The following EYS variants were observed in gnomAD, a reference collection of about 807,000 sequenced individuals.
The protein encoded by EYS is EGF-like photoreceptor maintenance factor, also known as protein eyes shut homolog.
EYS carries 250 observed loss-of-function variants against 282.1 expected under a neutral mutation model. That is an observed-to-expected ratio of 0.89 (90% CI 0.80 to 0.98). EYS has a LOEUF of 0.98. EYS is among the 50% of genes least tolerant of loss of function. The probability of loss-of-function intolerance (pLI) is 0.00; values close to 1 mark genes in which losing one functional copy is unlikely to be tolerated. For missense variants in EYS, 4,016 were observed against 3,709.0 expected (o/e 1.08, Z -2.15); for synonymous variants, 1,355 against 1,282.9 (o/e 1.06, Z -1.20).
At chr6:64,364,301 A>C (rs1772120396) in intron 29 of EYS, among the ~76,000 whole-genome samples, 1 of 151,874 alleles carries the variant, frequency 6.6e-6, no homozygotes, top group African/African-American at 2.4e-5. Context: ...TTTTACTCTT[A>C]GTTTTCTATA....
intron 12 of EYS, among the ~76,000 whole-genome samples, chr6:65,083,062 T>C (rs1303896524): frequency 6.6e-6 from 1 of 151,996 alleles, no homozygotes; most frequent in Non-Finnish European, 1.5e-5. Context: ...ACTGTCCATC[T>C]TAAAAAAATC....
intron 12 of EYS, among the ~76,000 whole-genome samples, chr6:65,120,140 A>G: frequency 7.6e-6 from 1 of 132,420 alleles, no homozygotes; most frequent in Admixed American, 7.9e-5. Flanking sequence ...TGACAGAGCG[A>G]GACTCCGTCT....
At chr6:64,656,428 T>G (rs1931851) in intron 22 of EYS, among the ~76,000 whole-genome samples, 1 of 152,108 alleles carries the variant, frequency 6.6e-6, no homozygotes, top group East Asian at 1.9e-4. Context: ...TCTTGAGAAC[T>G]TTTCCAAGAC....
chr6:64,741,331 G>A (rs146067731), intron 22 of EYS, among the ~76,000 whole-genome samples: 1 of 152,174 alleles, frequency 6.6e-6, no homozygotes, highest in African/African-American at 2.4e-5. Flanking sequence ...AACATATTCA[G>A]TAAGCAAACT....
intron 31 of EYS, among the ~76,000 whole-genome samples, chr6:64,098,365 A>G (rs562043379): frequency 2.0e-5 from 3 of 152,312 alleles, no homozygotes; most frequent in African/African-American, 7.2e-5. Context: ...AATTTATATT[A>G]TGGATAAATT....
intron 33 of EYS, among the ~76,000 whole-genome samples, chr6:64,000,904 T>G (rs1413206267): frequency 6.6e-6 from 1 of 152,164 alleles, no homozygotes; most frequent in African/African-American, 2.4e-5. Flanking sequence ...TGCCAGCACT[T>G]TGGGAGGCCA....
chr6:64,219,370 A>G (rs1165663237), intron 31 of EYS, among the ~76,000 whole-genome samples: 1 of 152,238 alleles, frequency 6.6e-6, no homozygotes, highest in East Asian at 1.9e-4. Flanking sequence ...AATCTGATAG[A>G]ACATTTCAAT....
At chr6:64,240,763 C>T (rs760024400) in intron 30 of EYS, among the ~76,000 whole-genome samples, 1 of 152,140 alleles carries the variant, frequency 6.6e-6, no homozygotes, top group Non-Finnish European at 1.5e-5. Flanking sequence ...TGCCTGATTG[C>T]CCTGGCCAGA....
At chr6:65,648,403 C>T (rs1163645718) in intron 1 of EYS, among the ~76,000 whole-genome samples, 1 of 151,102 alleles carries the variant, frequency 6.6e-6, no homozygotes, top group Non-Finnish European at 1.5e-5. Context: ...ATGGTATTTG[C>T]AGCAACCTGG....
chr6:63,733,999 T>A (rs1768845991), intron 41 of EYS, among the ~76,000 whole-genome samples: 1 of 152,112 alleles, frequency 6.6e-6, no homozygotes, highest in Admixed American at 6.6e-5. Flanking sequence ...GTGGAGGCAA[T>A]TGTCCTAAGC....
chr6:65,244,142 T>A (rs572295260), intron 12 of EYS, among the ~76,000 whole-genome samples: 1 of 152,318 alleles, frequency 6.6e-6, no homozygotes, highest in African/African-American at 2.4e-5. Context: ...ATTTTCCAGT[T>A]AGGCTTGTTT....
rs560738988 is a variant in EYS, at chr6:64,862,149, C to T, written c.2992+24548G>A. Among the ~76,000 whole-genome samples, 191 of 152,280 alleles carry T rather than the reference C, an allele frequency of 1.3e-3. 1 individual carries two copies. The highest frequency in any genetic ancestry group is 4.5e-3 in the African/African-American group (185 of 41,566). ...CTCTCTTTCTACTTCTCTGATTTCG[C>T]ATGTGAAGTCAGGTGCAATGCCTAT... On this transcript the variant is annotated intron_variant, in intron 19 of 42. Coordinates refer to ENST00000503581, the MANE Select transcript of EYS (RefSeq NM_001142800.2).
intron 5 of EYS, among the ~76,000 whole-genome samples, chr6:65,484,302 C>A (rs772798749): frequency 5.9e-5 from 9 of 152,008 alleles, no homozygotes; most frequent in South Asian, 4.1e-4. Flanking sequence ...ATGTTTTAAC[C>A]AAGTACTATT....
intron 2 of EYS, among the ~76,000 whole-genome samples, chr6:65,609,744 C>T (rs1765927383): frequency 6.6e-6 from 1 of 152,134 alleles, no homozygotes; most frequent in South Asian, 2.1e-4. Context: ...CAAAGCTATT[C>T]TAAATACATT....
chr6:64,187,790 T>A (rs906951889), intron 31 of EYS, among the ~76,000 whole-genome samples: 2 of 152,110 alleles, frequency 1.3e-5, no homozygotes, highest in Non-Finnish European at 2.9e-5. Context: ...CTTCCTTTGA[T>A]CTACCATTAA....
intron 26 of EYS, among the ~76,000 whole-genome samples, chr6:64,561,036 A>T (rs1034369957): frequency 1.9e-4 from 29 of 152,318 alleles, no homozygotes; most frequent in African/African-American, 7.0e-4. Context: ...TTGGTTCAAC[A>T]TACACAAATC....
At chr6:65,567,286 T>A (rs182212675) in intron 2 of EYS, among the ~76,000 whole-genome samples, 272 of 149,614 alleles carry the variant, frequency 1.8e-3, no homozygotes, top group Middle Eastern at 7.0e-3. Flanking sequence ...CACACATATA[T>A]AATATAAACA....
At chr6:65,482,803 C>T (rs1329052158) in intron 5 of EYS, among the ~76,000 whole-genome samples, 3 of 152,160 alleles carry the variant, frequency 2.0e-5, no homozygotes, top group Non-Finnish European at 2.9e-5. Context: ...TGGATTCAAA[C>T]ATCCCAGCAT....
chr6:64,986,337 A>T (rs1770857120), intron 14 of EYS, among the ~76,000 whole-genome samples: 2 of 151,592 alleles, frequency 1.3e-5, no homozygotes, highest in Non-Finnish European at 3.0e-5. Context: ...TATGTAAATA[A>T]CACATACAAA....
Sources: allele counts gnomAD v4.1 joint callset (sites outside exome capture counted in the v4.1 genomes callset), GRCh38; gene constraint gnomAD v4.1.1; transcripts MANE v1.5; gene names NCBI Gene and HGNC (gene_info 2026-07-23, HGNC 2026-07-21).